IGSF9B: variants seen among roughly 807,000 people sequenced by gnomAD.
The protein encoded by IGSF9B is immunoglobulin superfamily member 9B, also known as protein turtle homolog B.
A neutral mutation model predicts 143.7 loss-of-function variants in IGSF9B; 48 were observed. That is an observed-to-expected ratio of 0.33 (90% CI 0.26 to 0.42). The LOEUF (loss-of-function observed/expected upper bound fraction) is 0.42, where lower values mean the gene tolerates loss of function less well. Ranked by LOEUF, IGSF9B falls within the 20% of genes least tolerant of loss-of-function variation. The pLI is 1.00. For synonymous variants in IGSF9B, 903 were observed against 833.1 expected (o/e 1.08, Z -1.44); for missense variants, 1,706 against 1,980.0 (o/e 0.86, Z 2.63).
At chr11:133,924,684 A>C in intron 15 of IGSF9B, 136 bp downstream of exon 15, 2 of 695,734 alleles carry the variant, frequency 2.9e-6, no homozygotes, top group South Asian at 3.4e-5. Context: ...GCTATGACTC[A>C]CGCAGCTGCA....
At chr11:133,937,265 G>C in intron 5 of IGSF9B, 111 bp downstream of exon 5, 1 of 735,866 alleles carries the variant, frequency 1.4e-6, no homozygotes, top group Non-Finnish European at 2.2e-6. Flanking sequence ...ATGGCCGCCT[G>C]CACCTCCACT....
At chr11:133,940,954 C>T (rs1015216630) in intron 3 of IGSF9B, among the ~76,000 whole-genome samples, 4 of 152,326 alleles carry the variant, frequency 2.6e-5, no homozygotes, top group South Asian at 4.1e-4. Flanking sequence ...CCTGCCTGCC[C>T]GGCCTGCCCC....
At chr11:133,937,221 G>T (rs961625459) in intron 5 of IGSF9B, among the ~76,000 whole-genome samples, 155 bp downstream of exon 5, 6 of 152,322 alleles carry the variant, frequency 3.9e-5, no homozygotes, top group Admixed American at 2.0e-4. Flanking sequence ...GACCAGGGCA[G>T]CAGGCAGCAC....
rs1213508570 is a variant in IGSF9B, at chr11:133,919,999, C to T, written c.3726G>A (p.Pro1242=). ...AEMSEITLQP[P]AAVSFSRKST... is the part of the protein sequence containing the mutation. ...ACTTTCGAGAAAAGCTGACTGCAGC[C>T]GGCGGCTGCAGGGTGATCTCTGACA... Residue 1242 remains proline, a synonymous_variant, in exon 18 of 20, where the codon CCG becomes CCA. Coordinates refer to ENST00000533871, the MANE Select transcript of IGSF9B (RefSeq NM_001277285.4). 4 of 1,581,776 alleles carry T rather than the reference C, an allele frequency of 2.5e-6. No homozygotes were observed. Among genetic ancestry groups the T allele is most frequent in the African/African-American group, 1.4e-5 (1 of 73,466 alleles).
intron 5 of IGSF9B, 146 bp from the exon 6 acceptor site, chr11:133,936,340 A>G: frequency 1.4e-6 from 1 of 720,814 alleles, no homozygotes; most frequent in South Asian, 1.8e-5. Context: ...TCCAGATGCT[A>G]TCTGTGCTCA....
rs377475060 is a variant in IGSF9B at position 133,936,039 on chromosome 11, A to G, written c.821+14T>C. 7.4e-6 allele frequency: 12 copies of G among 1,612,640 alleles called. No homozygotes were observed. In the African/African-American group the frequency reaches 1.5e-4, roughly 20 times the overall value. ...GGTGGCAACCTCATTGAAAAGTCAG[A>G]GCAGGGTGCTCACTTCTGAAAGTAG... On this transcript the variant is annotated intron_variant, in intron 6 of 19. Coordinates refer to ENST00000533871, the MANE Select transcript of IGSF9B (RefSeq NM_001277285.4).
At chr11:133,947,858 T>C (rs1940084653) in intron 1 of IGSF9B, among the ~76,000 whole-genome samples, 3 of 152,212 alleles carry the variant, frequency 2.0e-5, no homozygotes, top group Middle Eastern at 3.4e-3. Flanking sequence ...GGCTCCTCTG[T>C]CTGCCTGTCT....
Position 133,907,372 on chromosome 11 carries a change from C to A in IGSF9B, c.*1697G>T, listed in dbSNP as rs191959989. Among the ~76,000 whole-genome samples the A allele has an allele frequency of 3.9e-5, 6 of 152,360 alleles. No individual in the cohort carries two copies. The highest frequency in any genetic ancestry group is 7.2e-5 in the African/African-American group (3 of 41,590). ...CCAAGCCCATGGCAGCTGCATGAGA[C>A]CAGCAGAAGCCATCCAATGCTGCCG... On this transcript the variant is annotated 3_prime_UTR_variant, in exon 20 of 20. Coordinates refer to ENST00000533871, the MANE Select transcript of IGSF9B (RefSeq NM_001277285.4).
intron 17 of IGSF9B, among the ~76,000 whole-genome samples, chr11:133,921,910 T>C (rs527684217): frequency 7.5e-4 from 114 of 152,236 alleles, no homozygotes; most frequent in African/African-American, 2.6e-3. Context: ...ATTCCAAGGC[T>C]GAAGAGAAAC....
chr11:133,927,638 A>G (rs532813387), intron 12 of IGSF9B, among the ~76,000 whole-genome samples: 1 of 152,364 alleles, frequency 6.6e-6, no homozygotes, highest in South Asian at 2.1e-4. Context: ...CAGTGGGGCC[A>G]GGATCCCTAA....
intron 19 of IGSF9B, among the ~76,000 whole-genome samples, chr11:133,911,001 A>G (rs770468535): frequency 6.6e-6 from 1 of 152,174 alleles, no homozygotes; most frequent in Admixed American, 6.5e-5. Flanking sequence ...CTAAGTGATC[A>G]TAAGTGATCA....
At chr11:133,951,084 G>A (rs964508489) in intron 1 of IGSF9B, among the ~76,000 whole-genome samples, 2 of 152,084 alleles carry the variant, frequency 1.3e-5, no homozygotes, top group Admixed American at 6.5e-5. Flanking sequence ...CGGCAGACCC[G>A]GGGCTCTCAC....
At chr11:133,930,015 G>C (rs1386456280) in intron 11 of IGSF9B, among the ~76,000 whole-genome samples, 1 of 152,166 alleles carries the variant, frequency 6.6e-6, no homozygotes, top group African/African-American at 2.4e-5. Context: ...AGTCCAACTA[G>C]GAGATCACAT....
chr11:133,926,806 G>A (rs1430169979), intron 13 of IGSF9B, 110 bp downstream of exon 13: 9 of 864,296 alleles, frequency 1.0e-5, no homozygotes, highest in Non-Finnish European at 1.6e-5. Flanking sequence ...GCTCTGTGGA[G>A]CACTCAGCAA....
Position 133,919,930 on chromosome 11 carries a change from C to T in IGSF9B, c.3795G>A (p.Gly1265=), listed in dbSNP as rs754951849. ...CCATGGCGGGCCGGTAGCTGGGACT[C>T]CCACTGCGGCTGCTCTGGGAGGGGG... is the stretch of plus-strand genomic sequence containing the variant. ...TGSPSQSSRS[G]SPSYRPAMGF... The change falls in exon 18 of 20, where the codon GGG becomes GGA. Residue 1265 remains glycine (G), a synonymous_variant. Transcript: ENST00000533871. The T allele has an allele frequency of 1.3e-6, 2 of 1,555,672 alleles. No homozygotes were observed. The highest frequency in any genetic ancestry group is 1.7e-6 in the Non-Finnish European group (2 of 1,149,686).
Position 133,956,808 on chromosome 11 carries a change from CGCACGCGCCTCGCGCCCGA to C in IGSF9B, c.-73_-55del, listed in dbSNP as rs1056900878. 46 of 1,208,134 alleles carry C rather than the reference CGCACGCGCCTCGCGCCCGA, an allele frequency of 3.8e-5. No individual in the cohort carries two copies. Among genetic ancestry groups the C allele is most frequent in the Non-Finnish European group, 4.7e-5 (43 of 906,004 alleles). The allele number at this position is 1,208,134 out of a possible 1,614,324, so 74.8% of individuals were successfully genotyped here. A position where few individuals can be genotyped will look rare whatever the true frequency, so the allele number is the denominator to read the frequency against. On this transcript the variant is annotated 5_prime_UTR_variant, in exon 1 of 20. Coordinates refer to ENST00000533871, the MANE Select transcript of IGSF9B (RefSeq NM_001277285.4). ...TCCTATCGCAAAGTGCTCCCGCGCCCGCACGCGCCTCGCGCCCGAGCGCCCGCCTCGCGCCCGCCTCGCG... is the reference window on the plus strand; with the variant it reads ...TCCTATCGCAAAGTGCTCCCGCGCCCGCGCCCGCCTCGCGCCCGCCTCGCG...
In IGSF9B at chr11:133,909,701, A is replaced by T. The variant is rs1939271031; in HGVS notation, c.4106-424T>A. The stretch of plus-strand genomic sequence containing the variant: ...TTATACAAGATTTTAATCGCATGCA[A>T]CGGTCAGGCCTTGACCCTTCCTGGA... On this transcript the variant is annotated intron_variant, in intron 19 of 19. Coordinates refer to ENST00000533871, the MANE Select transcript of IGSF9B (RefSeq NM_001277285.4). This position sits in a 1 kb window ranked among gnomAD's most constrained non-coding sequence, Gnocchi z 4.2. Among the ~76,000 whole-genome samples the T allele has an allele frequency of 6.6e-6, 1 of 152,176 alleles. No individual in the cohort carries two copies.
In IGSF9B at chr11:133,935,633, C is replaced by T. The variant is rs375449263; in HGVS notation, c.951G>A (p.Ala317=). The change falls in exon 7 of 20, where the codon GCG becomes GCA. Residue 317 remains alanine (A), a synonymous_variant. Transcript: ENST00000533871. ...NSLGRSPSAS[A]YLTVQYPARV... ...CCTACTCACACTGCACGGTCAGGTA[C>T]GCCGAGGCGGAGGGGGAGCGCCCCA... 2.0e-5 allele frequency: 32 copies of T among 1,610,318 alleles called. No individual in the cohort carries two copies. Among genetic ancestry groups the T allele is most frequent in the South Asian group, 5.6e-5 (5 of 90,064 alleles).
At chr11:133,932,996 G>A (rs112414251) in intron 7 of IGSF9B, among the ~76,000 whole-genome samples, 1 of 144,090 alleles carries the variant, frequency 6.9e-6, no homozygotes. Context: ...AGAGCAGACA[G>A]ACAGACACAG....
Sources: allele counts gnomAD v4.1 joint callset (sites outside exome capture counted in the v4.1 genomes callset), GRCh38; gene constraint gnomAD v4.1.1; non-coding constraint Gnocchi (gnomAD v3.1); transcripts MANE v1.5; gene names NCBI Gene and HGNC (gene_info 2026-07-23, HGNC 2026-07-21).